Variants in ARHGAP22 observed in about 807,000 individuals in gnomAD.
The protein encoded by ARHGAP22 is Rho GTPase activating protein 22, also known as rho GTPase-activating protein 22.
Under a neutral mutation model 59.1 loss-of-function variants are expected in ARHGAP22, and 48 were observed. The ratio of observed to expected loss-of-function variants is 0.81; its 90% CI spans 0.64 to 1.03. The LOEUF (loss-of-function observed/expected upper bound fraction) is 1.03. Ranked by LOEUF, ARHGAP22 falls within the 50% of genes least tolerant of loss-of-function variation. The pLI, the probability that ARHGAP22 is intolerant of heterozygous loss-of-function variation, is 0.00. For synonymous variants in ARHGAP22, 445 were observed against 416.4 expected (o/e 1.07, Z -0.84); for missense variants, 1,015 against 958.7 (o/e 1.06, Z -0.78).
chr10:48,644,183 G>A (rs1219574971), intron 1 of ARHGAP22, among the ~76,000 whole-genome samples: 1 of 152,090 alleles, frequency 6.6e-6, no homozygotes, highest in African/African-American at 2.4e-5. Flanking sequence ...GAAACATTCT[G>A]AAAAAGAGGA....
At chr10:48,642,491 G>A (rs1019700471) in intron 1 of ARHGAP22, among the ~76,000 whole-genome samples, 4 of 152,220 alleles carry the variant, frequency 2.6e-5, no homozygotes, top group African/African-American at 9.6e-5. Context: ...ATGGGGAAAG[G>A]ATTCCCTATT....
Position 48,605,061 on chromosome 10 carries a change from C to A in ARHGAP22, c.-265G>T. The A allele has an allele frequency of 7.2e-7, 1 of 1,392,532 alleles. No homozygotes were observed. Among genetic ancestry groups the A allele is most frequent in the Non-Finnish European group, 9.3e-7 (1 of 1,072,730 alleles). The allele number at this position is 1,392,532 out of a possible 1,614,324, so 86.3% of individuals were successfully genotyped here. A position where few individuals can be genotyped will look rare whatever the true frequency, so the allele number is the denominator to read the frequency against. ...ACCATTAAAGCCTCAGTAATCACTG[C>A]TGATCAATCACTGGACCAGGGCGGG... On this transcript the variant is annotated 5_prime_UTR_variant, in exon 1 of 10. Coordinates refer to ENST00000249601, the MANE Select transcript of ARHGAP22 (RefSeq NM_021226.4).
chr10:48,527,535 G>A (rs778060018), intron 3 of ARHGAP22, among the ~76,000 whole-genome samples: 3 of 152,188 alleles, frequency 2.0e-5, no homozygotes, highest in Non-Finnish European at 4.4e-5. Context: ...ATGGATGGGT[G>A]GAGGGATGGT....
At chr10:48,625,735 CACA>C (rs2061428396) in intron 1 of ARHGAP22, among the ~76,000 whole-genome samples, 1 of 149,624 alleles carries the variant, frequency 6.7e-6, no homozygotes, top group Non-Finnish European at 1.5e-5. Context: ...CACACACACA[CACA>C]CCTGCTTTGC....
chr10:48,616,899 T>C (rs1189193799), intron 1 of ARHGAP22, among the ~76,000 whole-genome samples: 1 of 152,054 alleles, frequency 6.6e-6, no homozygotes, highest in Non-Finnish European at 1.5e-5. Context: ...AAATTAAAAA[T>C]AGTACTTAAG....
At chr10:48,476,016 A>AC (rs2048689823) in intron 4 of ARHGAP22, among the ~76,000 whole-genome samples, 1 of 151,424 alleles carries the variant, frequency 6.6e-6, no homozygotes, top group South Asian at 2.1e-4. Flanking sequence ...CCAAACCCTA[A>AC]CCCTATCTCT....
At chr10:48,463,770 T>C (rs1443565896) in intron 4 of ARHGAP22, among the ~76,000 whole-genome samples, 1 of 152,188 alleles carries the variant, frequency 6.6e-6, no homozygotes, top group African/African-American at 2.4e-5. Context: ...CACTCCCCTC[T>C]GCTGGGTTGC....
chr10:48,485,577 T>G (rs1314774236), intron 3 of ARHGAP22, among the ~76,000 whole-genome samples: 1 of 152,198 alleles, frequency 6.6e-6, no homozygotes, highest in African/African-American at 2.4e-5. Context: ...CTTCTATCAA[T>G]TATTGAGAGA....
At chr10:48,483,464 G>GT (rs1159314446) in intron 3 of ARHGAP22, among the ~76,000 whole-genome samples, 1 of 152,086 alleles carries the variant, frequency 6.6e-6, no homozygotes, top group Non-Finnish European at 1.5e-5. Context: ...TTACTTTTAG[G>GT]TTTTTTGAGA....
intron 1 of ARHGAP22, among the ~76,000 whole-genome samples, chr10:48,622,462 G>A (rs556680752): frequency 6.6e-6 from 1 of 152,054 alleles, no homozygotes; most frequent in South Asian, 2.1e-4. Flanking sequence ...ATATGTTTAT[G>A]GGGTACAGTA....
the ARHGAP22 span, among the ~76,000 whole-genome samples, chr10:48,434,544 T>C: frequency 6.6e-6 from 1 of 152,214 alleles, no homozygotes; most frequent in Non-Finnish European, 1.5e-5. Context: ...TTGCATGTAT[T>C]ATCAGCAGTA....
intron 3 of ARHGAP22, among the ~76,000 whole-genome samples, chr10:48,507,622 G>T (rs374327307): frequency 6.6e-6 from 1 of 152,170 alleles, no homozygotes; most frequent in African/African-American, 2.4e-5. Flanking sequence ...ACCTCTGTGT[G>T]CTGGGTCCTC....
intron 1 of ARHGAP22, among the ~76,000 whole-genome samples, chr10:48,589,112 A>AC (rs1325415657): frequency 6.6e-6 from 1 of 151,446 alleles, no homozygotes; most frequent in African/African-American, 2.4e-5. Flanking sequence ...CTCCTTCCTC[A>AC]CCCCCCAGTC....
At chr10:48,609,807 A>G (rs543831119), upstream of ARHGAP22, among the ~76,000 whole-genome samples, 54 of 152,306 alleles carry the variant, frequency 3.5e-4, no homozygotes, top group African/African-American at 1.2e-3. Flanking sequence ...TCTTTAGAGG[A>G]GTACGAGTTT....
chr10:48,500,027 C>A (rs983485097), intron 3 of ARHGAP22, among the ~76,000 whole-genome samples: 1 of 143,950 alleles, frequency 6.9e-6, no homozygotes, highest in Admixed American at 6.7e-5. Context: ...GTCCGACCAG[C>A]CCAACCAATT....
At chr10:48,565,827 G>T (rs148258704) in intron 2 of ARHGAP22, among the ~76,000 whole-genome samples, 246 of 152,258 alleles carry the variant, frequency 1.6e-3, no homozygotes, top group African/African-American at 5.6e-3. Flanking sequence ...TGTATCATTT[G>T]TTTGGTCTGT....
intron 3 of ARHGAP22, among the ~76,000 whole-genome samples, chr10:48,533,258 C>T (rs1230767282): frequency 2.6e-5 from 4 of 151,682 alleles, no homozygotes; most frequent in African/African-American, 4.8e-5. Context: ...GAAGCAAGCC[C>T]CATACATCTT....
Position 48,450,953 on chromosome 10 carries a change from C to T in ARHGAP22, c.1176G>A (p.Arg392=), listed in dbSNP as rs1421551104. The change falls in exon 9 of 10, where the codon AGG becomes AGA. Residue 392 remains arginine (R), a synonymous_variant. Coordinates refer to ENST00000249601, the MANE Select transcript of ARHGAP22 (RefSeq NM_021226.4). ...CGGCCGCCCCGTCCAGGGAAGAGGT[C>T]CTGTGCGCGGGCAGGCCGGGGCCGC... ...EPGGPGLPAH[R]TSSLDGAAVA... 6.3e-7 allele frequency: 1 copy of T among 1,580,166 alleles called. No homozygotes were observed. Among genetic ancestry groups the T allele is most frequent in the Non-Finnish European group, 8.6e-7 (1 of 1,164,066 alleles).
Position 48,528,552 on chromosome 10 carries a change from G to C in ARHGAP22, c.322+26911C>G, listed in dbSNP as rs143848288. On this transcript the variant is annotated intron_variant, in intron 3 of 9. Coordinates refer to ENST00000249601, the MANE Select transcript of ARHGAP22 (RefSeq NM_021226.4). ...AGGAGAATGCTTTGAGGTGGGACCTGAGCTGCAAGGAGGGGTCCAGCACCT... is the reference window on the plus strand; with the variant it reads ...AGGAGAATGCTTTGAGGTGGGACCTCAGCTGCAAGGAGGGGTCCAGCACCT... Among the ~76,000 whole-genome samples the C allele has an allele frequency of 2.9e-3, 435 of 152,312 alleles. 3 individuals are homozygous for C. The highest frequency in any genetic ancestry group is 0.01 in the South Asian group (49 of 4,826).
Sources: allele counts gnomAD v4.1 joint callset (sites outside exome capture counted in the v4.1 genomes callset), GRCh38; gene constraint gnomAD v4.1.1; transcripts MANE v1.5; gene names NCBI Gene and HGNC (gene_info 2026-07-23, HGNC 2026-07-21).